The following SMAP1 variants were observed in gnomAD, a reference collection of about 807,000 sequenced individuals.
The protein encoded by SMAP1 is stromal membrane-associated protein 1.
SMAP1 carries 24 observed loss-of-function variants against 58.5 expected under a neutral mutation model. That is an observed-to-expected ratio of 0.41 (90% CI 0.30 to 0.58). The LOEUF (loss-of-function observed/expected upper bound fraction) is 0.58. SMAP1 is among the 20% of genes least tolerant of loss of function. The pLI, the probability that SMAP1 is intolerant of heterozygous loss-of-function variation, is 0.29. For synonymous variants in SMAP1, 216 were observed against 196.6 expected (o/e 1.10, Z -0.82); for missense variants, 563 against 566.3 (o/e 0.99, Z 0.06).
intron 1 of SMAP1, among the ~76,000 whole-genome samples, chr6:70,718,689 C>T (rs1046293657): frequency 2.6e-5 from 4 of 151,716 alleles, no homozygotes; most frequent in Non-Finnish European, 2.9e-5. Context: ...GGCGTGGTGG[C>T]GGGCACCTGT....
At chr6:70,690,732 T>C (rs1767130584) in intron 1 of SMAP1, among the ~76,000 whole-genome samples, 1 of 151,224 alleles carries the variant, frequency 6.6e-6, no homozygotes, top group Admixed American at 6.6e-5. Context: ...TTTGCTATGA[T>C]TTTACATATT....
At chr6:70,774,798 G>C (rs1007289146) in intron 4 of SMAP1, among the ~76,000 whole-genome samples, 1 of 151,892 alleles carries the variant, frequency 6.6e-6, no homozygotes, top group Non-Finnish European at 1.5e-5. Flanking sequence ...GGGAGGCTGA[G>C]TCAGGTGGAT....
intron 4 of SMAP1, among the ~76,000 whole-genome samples, chr6:70,779,293 G>A (rs956948307): frequency 4.6e-5 from 7 of 152,188 alleles, no homozygotes; most frequent in Admixed American, 4.6e-4. Context: ...ATGTTGGGAG[G>A]GAGATCCCAC....
chr6:70,778,293 TAGAAG>T (rs551301048), intron 4 of SMAP1, among the ~76,000 whole-genome samples: 4 of 152,172 alleles, frequency 2.6e-5, no homozygotes, highest in East Asian at 1.9e-4. Context: ...TTTCTGTTCT[TAGAAG>T]AGAAGTTTTC....
At chr6:70,737,539 T>G (rs1309835635) in intron 2 of SMAP1, among the ~76,000 whole-genome samples, 1 of 152,248 alleles carries the variant, frequency 6.6e-6, no homozygotes. Context: ...AAGATTCTTC[T>G]GTATGTAGTA....
chr6:70,727,210 G>A (rs1253698412), intron 1 of SMAP1, among the ~76,000 whole-genome samples: 1 of 152,078 alleles, frequency 6.6e-6, no homozygotes, highest in African/African-American at 2.4e-5. Context: ...CAGGGTTCAA[G>A]CGATTCTCAC....
chr6:70,740,900 A>G (rs1371037594), intron 2 of SMAP1, among the ~76,000 whole-genome samples: 2 of 152,208 alleles, frequency 1.3e-5, no homozygotes, highest in Admixed American at 6.5e-5. Flanking sequence ...ATTGCAGCAG[A>G]CAAGAATGGG....
intron 1 of SMAP1, among the ~76,000 whole-genome samples, chr6:70,681,538 C>T (rs983452375): frequency 6.6e-6 from 1 of 152,190 alleles, no homozygotes; most frequent in Non-Finnish European, 1.5e-5. Context: ...ATTTTTGTAA[C>T]ATATACACTC....
In SMAP1 at chr6:70,861,607, A is replaced by G; in HGVS notation, c.*1273A>G. ...ATGCTCTGTAGCCTAAACTCCAAACATCCTCTTCCATATGGATCCACTGGC... is the reference window on the plus strand; with the variant it reads ...ATGCTCTGTAGCCTAAACTCCAAACGTCCTCTTCCATATGGATCCACTGGC... On this transcript the variant is annotated 3_prime_UTR_variant, in exon 11 of 11. Coordinates refer to ENST00000370455, the MANE Select transcript of SMAP1 (RefSeq NM_001044305.3). 6.6e-7 allele frequency: 1 copy of G among 1,512,812 alleles called. No homozygotes were observed. Among genetic ancestry groups the G allele is most frequent in the African/African-American group, 1.4e-5 (1 of 72,920 alleles). 93.7% of individuals were successfully genotyped at this position (1,512,812 alleles called of 1,614,324 possible).
intron 6 of SMAP1, 24 bp from the exon 7 acceptor site, chr6:70,836,917 T>C: frequency 6.6e-7 from 1 of 1,509,756 alleles, no homozygotes; most frequent in Non-Finnish European, 8.9e-7. Flanking sequence ...GAAAAATTAA[T>C]AAATCCAATT....
At chr6:70,816,173 CAGAG>C (rs1387225902) in intron 6 of SMAP1, among the ~76,000 whole-genome samples, 1 of 151,882 alleles carries the variant, frequency 6.6e-6, no homozygotes, top group African/African-American at 2.4e-5. Context: ...GAGCAACAGG[CAGAG>C]AGAAGAAGAA....
chr6:70,673,086 AG>A (rs1251578538), intron 1 of SMAP1, among the ~76,000 whole-genome samples: 4 of 152,290 alleles, frequency 2.6e-5, no homozygotes, highest in Non-Finnish European at 5.9e-5. Flanking sequence ...TCAATATATA[AG>A]TCAGGGTATA....
At chr6:70,711,794 C>G (rs567752600) in intron 1 of SMAP1, among the ~76,000 whole-genome samples, 7 of 152,254 alleles carry the variant, frequency 4.6e-5, no homozygotes, top group Non-Finnish European at 7.4e-5. Context: ...TCTCAAAATG[C>G]TGGGACCCGC....
intron 5 of SMAP1, among the ~76,000 whole-genome samples, chr6:70,794,948 C>T (rs1218525629): frequency 1.3e-5 from 2 of 152,062 alleles, no homozygotes; most frequent in South Asian, 2.1e-4. Context: ...ATGACCACAC[C>T]TGTCTAATTT....
chr6:70,777,230 C>G (rs1057487206), intron 4 of SMAP1, among the ~76,000 whole-genome samples: 4 of 152,130 alleles, frequency 2.6e-5, no homozygotes, highest in African/African-American at 9.7e-5. Flanking sequence ...CACTGTCTGG[C>G]ACTCCCTAGT....
intron 1 of SMAP1, among the ~76,000 whole-genome samples, chr6:70,707,582 A>T (rs1217756974): frequency 6.6e-6 from 1 of 152,140 alleles, no homozygotes; most frequent in Non-Finnish European, 1.5e-5. Flanking sequence ...TTGTTAATGT[A>T]ACACATTTTA....
intron 2 of SMAP1, among the ~76,000 whole-genome samples, chr6:70,736,600 A>G (rs985863543): frequency 6.6e-6 from 1 of 152,214 alleles, no homozygotes; most frequent in Non-Finnish European, 1.5e-5. Context: ...AGATTAGTAG[A>G]TGTCTTTATT....
At chr6:70,858,913 A>G (rs1208514521) in intron 10 of SMAP1, 1 of 154,564 alleles carries the variant, frequency 6.5e-6, no homozygotes, top group Non-Finnish European at 1.4e-5. Context: ...CCTAAGTTAG[A>G]GCTGAGATAG....
intron 1 of SMAP1, chr6:70,668,388 G>C (rs1345588783): frequency 6.6e-6 from 6 of 913,604 alleles, no homozygotes; most frequent in East Asian, 3.0e-5. Flanking sequence ...TCCCAGACAC[G>C]GGTTTGAGCA....
Sources: allele counts gnomAD v4.1 joint callset (sites outside exome capture counted in the v4.1 genomes callset), GRCh38; gene constraint gnomAD v4.1.1; transcripts MANE v1.5; gene names NCBI Gene and HGNC (gene_info 2026-07-23, HGNC 2026-07-21).